Variants in PRKACA observed in about 807,000 individuals in gnomAD.
PRKACA encodes cAMP-dependent protein kinase catalytic subunit alpha.
Under a neutral mutation model 45.8 loss-of-function variants are expected in PRKACA, and 9 were observed. The ratio of observed to expected loss-of-function variants is 0.20; its 90% confidence interval spans 0.12 to 0.34. PRKACA has a LOEUF of 0.34. Among genes scored for constraint, PRKACA ranks in the 10% least tolerant of loss-of-function variants. PRKACA has a pLI of 1.00. For missense variants in PRKACA, 238 were observed against 458.6 expected (o/e 0.52, Z 4.39); for synonymous variants, 160 against 178.6 (o/e 0.90, Z 0.83).
intron 1 of PRKACA, chr19:14,114,230 CTG>C: frequency 6.4e-7 from 1 of 1,570,478 alleles, no homozygotes; most frequent in Non-Finnish European, 8.7e-7. Context: ...GTCTGTTCGG[CTG>C]TCTGTCCCCA....
Position 14,107,485 on chromosome 19 carries a change from T to C in PRKACA, c.47-76A>G, listed in dbSNP as rs1473791379. 3.9e-6 allele frequency: 6 copies of C among 1,519,314 alleles called. No individual in the cohort carries two copies. The East Asian group carries it at 1.1e-4, about 29-fold the overall frequency. The allele number at this position is 1,519,314 out of a possible 1,614,324, so 94.1% of individuals were successfully genotyped here. Reference sequence around the variant, plus strand: ...TGGGTTCAGGTGATTTCTGGGGAGATACTTGGTGGAAAGTGGGGTGCAGTT... The same window carrying C: ...TGGGTTCAGGTGATTTCTGGGGAGACACTTGGTGGAAAGTGGGGTGCAGTT... On this transcript the variant is annotated intron_variant, in intron 1 of 9. Coordinates refer to ENST00000308677, the MANE Select transcript of PRKACA (RefSeq NM_002730.4).
chr19:14,106,932 C>T (rs375258808), intron 2 of PRKACA, 44 bp from the exon 3 acceptor site: 96 of 1,609,292 alleles, frequency 6.0e-5, no homozygotes, highest in Non-Finnish European at 7.6e-5. Flanking sequence ...GCCCTCCCCG[C>T]GGCCTGCTTG....
intron 9 of PRKACA, 44 bp from the exon 10 acceptor site, chr19:14,093,281 AATC>A: frequency 6.3e-7 from 1 of 1,593,700 alleles, no homozygotes; most frequent in Non-Finnish European, 8.5e-7. Flanking sequence ...CATTCAACAT[AATC>A]ATTATTACAA....
rs1479390886 is a variant in PRKACA at position 14,098,779 on chromosome 19, C to A, written c.420-889G>T. On this transcript the variant is annotated intron_variant, in intron 5 of 9. Transcript: ENST00000308677. Reference sequence around the variant, plus strand: ...AAAGTGCTGGGATTACAGGCGTGAGCCATGGCACCCGGCCTCCACCTCTGT... The same window carrying A: ...AAAGTGCTGGGATTACAGGCGTGAGACATGGCACCCGGCCTCCACCTCTGT... Among the ~76,000 whole-genome samples the A allele has an allele frequency of 5.5e-5, 8 of 146,078 alleles. No homozygotes were observed. In the East Asian group the frequency reaches 1.4e-3, roughly 26 times the overall value.
chr19:14,093,580 C>A, intron 9 of PRKACA, 48 bp downstream of exon 9: 1 of 1,583,584 alleles, frequency 6.3e-7, no homozygotes, highest in Non-Finnish European at 8.6e-7. Flanking sequence ...CTCCCTGACT[C>A]TTGGCCTGCT....
chr19:14,107,659 G>T, intron 1 of PRKACA: 1 of 1,315,680 alleles, frequency 7.6e-7, no homozygotes. Flanking sequence ...GCAGGGGAAC[G>T]GAGGGAGGTG....
chr19:14,093,871 A>G (rs1203430077), intron 8 of PRKACA, 79 bp from the exon 9 acceptor site: 3 of 1,437,868 alleles, frequency 2.1e-6, no homozygotes, highest in South Asian at 1.4e-5. Context: ...TCTCCATCCA[A>G]CGGTCCTACT....
Position 14,092,701 on chromosome 19 carries a change from T to C in PRKACA, c.*411A>G. On this transcript the variant is annotated 3_prime_UTR_variant, in exon 10 of 10. Transcript: ENST00000308677. ...TGCCCTTAGCAAGTGGGGCCTGTGG[T>C]TGGGTGGGATGGGGGTGTGGGTGGG... The C allele has an allele frequency of 2.5e-6, 1 of 394,480 alleles. No homozygotes were observed. The highest frequency in any genetic ancestry group is 4.3e-5 in the Admixed American group (1 of 23,284). The allele number at this position is 394,480 out of a possible 1,614,324, so 24.4% of individuals were successfully genotyped here.
intron 1 of PRKACA, among the ~76,000 whole-genome samples, chr19:14,113,602 C>A (rs1289299240): frequency 2.0e-5 from 3 of 152,200 alleles, no homozygotes; most frequent in Non-Finnish European, 4.4e-5. Flanking sequence ...AGCCACAGAA[C>A]CCCCTTCCTC....
intron 1 of PRKACA, among the ~76,000 whole-genome samples, chr19:14,109,991 T>G (rs1419474501): frequency 1.2e-5 from 1 of 80,724 alleles, no homozygotes; most frequent in African/African-American, 6.8e-5. Flanking sequence ...TATATATATA[T>G]ATATATATAC....
At chr19:14,114,136 T>G (rs2144495875) in intron 1 of PRKACA, 1 of 1,611,334 alleles carries the variant, frequency 6.2e-7, no homozygotes. Context: ...AGCCTCACCA[T>G]CGCTGGAGTT....
At chr19:14,098,977 A>G (rs913985985) in intron 5 of PRKACA, among the ~76,000 whole-genome samples, 5 of 152,158 alleles carry the variant, frequency 3.3e-5, no homozygotes, top group African/African-American at 9.6e-5. Flanking sequence ...AAGTGAATCT[A>G]TAGTTATCTA....
intron 8 of PRKACA, among the ~76,000 whole-genome samples, chr19:14,094,363 A>G (rs902367662): frequency 1.3e-5 from 2 of 151,932 alleles, no homozygotes; most frequent in Admixed American, 1.3e-4. Flanking sequence ...TAATTTTTGT[A>G]TTTTTAGTAG....
At chr19:14,093,319 T>G in intron 9 of PRKACA, 82 bp from the exon 10 acceptor site, 1 of 1,528,384 alleles carries the variant, frequency 6.5e-7, no homozygotes, top group East Asian at 2.3e-5. Flanking sequence ...GGCCTAACAT[T>G]CAAGAGATAT....
intron 3 of PRKACA, among the ~76,000 whole-genome samples, chr19:14,104,381 G>A (rs1001542063): frequency 4.1e-5 from 6 of 145,288 alleles, no homozygotes; most frequent in Admixed American, 3.5e-4. Context: ...CCAAAATGGT[G>A]AAACCCTGTC....
intron 8 of PRKACA, chr19:14,096,895 T>G: frequency 3.5e-6 from 1 of 281,926 alleles, no homozygotes; most frequent in Non-Finnish European, 6.9e-6. Flanking sequence ...CCACCCCTCA[T>G]CTGAACCCTC....
intron 9 of PRKACA, 66 bp downstream of exon 9, chr19:14,093,562 T>A: frequency 6.5e-7 from 1 of 1,536,262 alleles, no homozygotes; most frequent in Non-Finnish European, 8.8e-7. Flanking sequence ...ATTTCTCTAT[T>A]GGCTGTCCTC....
At position 14,097,421 on chromosome 19, in the gene PRKACA, G is replaced by A; in HGVS notation, c.705C>T (p.Gly235=). ...LGVLIYEMAA[G]YPPFFADQPI... Reference sequence around the variant, plus strand: ...GCTGGTCTGCGAAGAAGGGCGGGTAGCCAGCGGCCATTTCATAGATAAGAA... The same window carrying A: ...GCTGGTCTGCGAAGAAGGGCGGGTAACCAGCGGCCATTTCATAGATAAGAA... Residue 235 remains glycine, a synonymous_variant, in exon 8 of 10, where the codon GGC becomes GGT. Coordinates refer to ENST00000308677, the MANE Select transcript of PRKACA (RefSeq NM_002730.4). The surrounding 1 kb of genome is among the most constrained non-coding windows in gnomAD (Gnocchi z 5.4). 1.2e-6 allele frequency: 2 copies of A among 1,614,126 alleles called. No homozygotes were observed. The highest frequency in any genetic ancestry group is 1.7e-6 in the Non-Finnish European group (2 of 1,180,024).
At chr19:14,095,349 T>G (rs1977213863) in intron 8 of PRKACA, among the ~76,000 whole-genome samples, 2 of 152,024 alleles carry the variant, frequency 1.3e-5, no homozygotes, top group Admixed American at 1.3e-4. Context: ...TTTTGTATTT[T>G]TAGTAGAGAC....
Sources: allele counts gnomAD v4.1 joint callset (sites outside exome capture counted in the v4.1 genomes callset), GRCh38; gene constraint gnomAD v4.1.1; non-coding constraint Gnocchi (gnomAD v3.1); transcripts MANE v1.5; gene names NCBI Gene and HGNC (gene_info 2026-07-23, HGNC 2026-07-21).